Variants in ZPLD1 observed in about 807,000 individuals in gnomAD.
ZPLD1 encodes zona pellucida-like domain-containing protein 1.
Under a neutral mutation model 47.2 loss-of-function variants are expected in ZPLD1, and 34 were observed. That is an observed-to-expected ratio of 0.72 (90% CI 0.55 to 0.96). The LOEUF (loss-of-function observed/expected upper bound fraction) is 0.96. Among genes scored for constraint, ZPLD1 ranks in the 40% least tolerant of loss-of-function variants. The pLI, the probability that ZPLD1 is intolerant of heterozygous loss-of-function variation, is 0.00. For synonymous variants in ZPLD1, 176 were observed against 186.2 expected (o/e 0.95, Z 0.45); for missense variants, 512 against 505.8 (o/e 1.01, Z -0.12).
chr3:102,417,031 C>T lies in ZPLD1; in HGVS notation c.-156-1029C>T, dbSNP rs117677186. Among the ~76,000 whole-genome samples, 78 of 151,924 alleles carry T rather than the reference C, an allele frequency of 5.1e-4. No homozygotes were observed. The East Asian group carries it at 0.015, about 28-fold the overall frequency. The stretch of plus-strand genomic sequence containing the variant: ...GGGTTGACTAGAAATTTTAAGAGGC[C>T]GAACTCTTAGATTTTAATCTCAGTT... On this transcript the variant is annotated intron_variant, in intron 7 of 17. Transcript: ENST00000491959.
intron 3 of ZPLD1, among the ~76,000 whole-genome samples, chr3:102,439,099 T>C (rs2107321237): frequency 6.6e-6 from 1 of 152,342 alleles, no homozygotes; most frequent in South Asian, 2.1e-4. Context: ...TTTGGCAACA[T>C]TGATGGGCAT....
At chr3:102,439,139 A>G (rs751331010) in intron 3 of ZPLD1, among the ~76,000 whole-genome samples, 6 of 152,218 alleles carry the variant, frequency 3.9e-5, no homozygotes, top group Admixed American at 6.5e-5. Context: ...CCTGCATTCA[A>G]TGATAAGTTA....
rs1023132648 is a variant in ZPLD1 at position 102,387,850 on chromosome 3, C to CTTTTTTTT, written c.-213+2550_-213+2557dup. ...TCATGTCCTTCAGTTCTGAGAAATT[C>CTTTTTTTT]TTTTTTTTTTTTTTTTTTTTTTTTG... On this transcript the variant is annotated intron_variant, in intron 6 of 17. Coordinates refer to the ZPLD1 transcript ENST00000491959. Among the ~76,000 whole-genome samples, 62 of 80,636 alleles carry CTTTTTTTT rather than the reference C, an allele frequency of 7.7e-4. 1 individual carries two copies. The highest frequency in any genetic ancestry group is 1.5e-3 in the South Asian group (3 of 2,058). The allele number at this position is 80,636 out of a possible 152,430, so 52.9% of individuals were successfully genotyped here. A position where few individuals can be genotyped will look rare whatever the true frequency, so the allele number is the denominator to read the frequency against.
At chr3:102,467,185 A>C (rs1707608003) in intron 8 of ZPLD1, among the ~76,000 whole-genome samples, 1 of 152,164 alleles carries the variant, frequency 6.6e-6, no homozygotes, top group East Asian at 1.9e-4. Context: ...CGATATCAAA[A>C]ACCAGAAAGT....
chr3:102,467,840 C>T (rs1335690539), intron 8 of ZPLD1, among the ~76,000 whole-genome samples: 1 of 136,152 alleles, frequency 7.3e-6, no homozygotes, highest in East Asian at 2.1e-4. Context: ...AAACTGTACA[C>T]ACACACACAC....
At position 102,438,583 on chromosome 3, in the gene ZPLD1, T is replaced by C; in HGVS notation, c.96T>C (p.Ser32=). ...ACAACTGTGATGCCAACCTCCACAGTAGATTTCCTGGTAAGTGTAAGCCTA... is the reference window on the plus strand; with the variant it reads ...ACAACTGTGATGCCAACCTCCACAGCAGATTTCCTGGTAAGTGTAAGCCTA... ...NGYNCDANLH[S]RFPAERDISV... Residue 32 remains serine, a synonymous_variant, in exon 3 of 12, where the codon AGT becomes AGC. Coordinates refer to ENST00000466937, the MANE Select transcript of ZPLD1 (RefSeq NM_001329788.2). The C allele has an allele frequency of 3.1e-6, 5 of 1,612,366 alleles. No individual in the cohort carries two copies. The highest frequency in any genetic ancestry group is 1.3e-5 in the African/African-American group (1 of 75,010).
chr3:102,452,906 A>C lies in ZPLD1; in HGVS notation c.107-13A>C, dbSNP rs755048238. The C allele has an allele frequency of 7.5e-6, 12 of 1,610,360 alleles. No individual in the cohort carries two copies. In the South Asian group the frequency reaches 7.7e-5, roughly 10 times the overall value. On this transcript the variant is annotated splice_polypyrimidine_tract_variant and intron_variant, in intron 3 of 11. Transcript: ENST00000466937. ...TCTGACTTATGTTTGTTTTTTATAT[A>C]TTTTTATTTCAGCTGAAAGAGACAT... is the stretch of plus-strand genomic sequence containing the variant.
chr3:102,397,474 T>A (rs1194786419), intron 7 of ZPLD1, among the ~76,000 whole-genome samples: 1 of 152,136 alleles, frequency 6.6e-6, no homozygotes, highest in Non-Finnish European at 1.5e-5. Context: ...AGTCAACCAG[T>A]ACTGCCCCGC....
chr3:102,386,587 A>G (rs1407903272), intron 6 of ZPLD1, among the ~76,000 whole-genome samples: 2 of 152,118 alleles, frequency 1.3e-5, no homozygotes, highest in Non-Finnish European at 2.9e-5. Flanking sequence ...GGCTTCCCAG[A>G]TATTTTGAAA....
Position 102,477,052 on chromosome 3 carries a change from T to G in ZPLD1, c.1072+11T>G. ...ACAATTCGCAACTTGGTAAGATAATTAACATATTTTGCAATGTTTTTTACA... is the reference window on the plus strand; with the variant it reads ...ACAATTCGCAACTTGGTAAGATAATGAACATATTTTGCAATGTTTTTTACA... On this transcript the variant is annotated intron_variant, in intron 11 of 11. Transcript: ENST00000466937. The G allele has an allele frequency of 6.2e-7, 1 of 1,613,394 alleles. No homozygotes were observed. The highest frequency in any genetic ancestry group is 8.5e-7 in the Non-Finnish European group (1 of 1,179,436).
At chr3:102,474,622 C>G (rs1707731851) in intron 10 of ZPLD1, among the ~76,000 whole-genome samples, 1 of 151,938 alleles carries the variant, frequency 6.6e-6, no homozygotes, top group African/African-American at 2.4e-5. Flanking sequence ...TTTTCTAGTA[C>G]TAAGAGAAAA....
chr3:102,405,288 C>T (rs1706668701), intron 7 of ZPLD1, among the ~76,000 whole-genome samples: 1 of 151,948 alleles, frequency 6.6e-6, no homozygotes, highest in Non-Finnish European at 1.5e-5. Context: ...TACCCAACAC[C>T]CACAAGATTC....
intron 1 of ZPLD1, among the ~76,000 whole-genome samples, chr3:102,435,673 T>C (rs1707079671): frequency 6.7e-6 from 1 of 150,070 alleles, no homozygotes; most frequent in South Asian, 2.1e-4. Flanking sequence ...GACGGAGTCT[T>C]GCTCTGTAGC....
intron 7 of ZPLD1, among the ~76,000 whole-genome samples, chr3:102,405,371 T>G (rs1262344524): frequency 2.0e-5 from 3 of 152,044 alleles, no homozygotes; most frequent in African/African-American, 7.2e-5. Flanking sequence ...CAATTTTTAT[T>G]GTTCCAAATC....
intron 7 of ZPLD1, among the ~76,000 whole-genome samples, chr3:102,395,058 G>C (rs948508713): frequency 7.9e-5 from 12 of 152,038 alleles, no homozygotes; most frequent in African/African-American, 2.9e-4. Flanking sequence ...GTAGTAGAAG[G>C]AGGGATCAGG....
At chr3:102,403,826 A>G (rs1706652282) in intron 7 of ZPLD1, among the ~76,000 whole-genome samples, 1 of 151,966 alleles carries the variant, frequency 6.6e-6, no homozygotes, top group Non-Finnish European at 1.5e-5. Context: ...TACTCTACTT[A>G]GATTTCCTCT....
intron 7 of ZPLD1, among the ~76,000 whole-genome samples, chr3:102,404,987 A>T (rs537248562): frequency 6.6e-6 from 1 of 152,046 alleles, no homozygotes; most frequent in African/African-American, 2.4e-5. Context: ...TCCTTGAAAC[A>T]ACAACATATT....
At chr3:102,465,403 A>G (rs999428136) in intron 8 of ZPLD1, among the ~76,000 whole-genome samples, 1 of 152,154 alleles carries the variant, frequency 6.6e-6, no homozygotes, top group African/African-American at 2.4e-5. Context: ...TGGTATTTCT[A>G]TCTTTGAAAA....
rs745471547 is a variant in ZPLD1 at position 102,477,607 on chromosome 3, G to C, written c.1237G>C (p.Val413Leu). 6.2e-7 allele frequency: 1 copy of C among 1,612,234 alleles called. No homozygotes were observed. The highest frequency in any genetic ancestry group is 1.7e-5 in the Admixed American group (1 of 59,668). The change falls in exon 12 of 12, where the codon GTC becomes CTC. Residue 413 changes from valine to leucine, a missense_variant. Coordinates refer to ENST00000466937, the MANE Select transcript of ZPLD1 (RefSeq NM_001329788.2). ...AGTGTTGAATGGCATAAGAAACCCA[G>C]TCTTTGACTGACTATAACAGATTCC... ...SLVLNGIRNP[V>L]FD
Sources: allele counts gnomAD v4.1 joint callset (sites outside exome capture counted in the v4.1 genomes callset), GRCh38; gene constraint gnomAD v4.1.1; transcripts MANE v1.5; gene names NCBI Gene and HGNC (gene_info 2026-07-23, HGNC 2026-07-21).